The following GRIK2 variants were observed in gnomAD, a reference collection of about 807,000 sequenced individuals.
GRIK2 encodes glutamate ionotropic receptor kainate type subunit 2.
A neutral mutation model predicts 100.3 loss-of-function variants in GRIK2; 32 were observed. That is an observed-to-expected ratio of 0.32 (90% confidence interval 0.24 to 0.43). GRIK2 has a LOEUF of 0.43. Ranked by LOEUF, GRIK2 falls within the 20% of genes least tolerant of loss-of-function variation. The pLI, the probability that GRIK2 is intolerant of heterozygous loss-of-function variation, is 1.00. For synonymous variants in GRIK2, 417 were observed against 389.4 expected (o/e 1.07, Z -0.83); for missense variants, 843 against 1,114.9 (o/e 0.76, Z 3.47).
intron 7 of GRIK2, among the ~76,000 whole-genome samples, chr6:101,723,903 C>T (rs570001424): frequency 4.9e-4 from 74 of 151,818 alleles, no homozygotes; most frequent in Non-Finnish European, 9.4e-4. Context: ...TCTGCTTTAC[C>T]TCTTCTTGTT....
intron 2 of GRIK2, among the ~76,000 whole-genome samples, chr6:101,558,189 A>C (rs1776835282): frequency 6.6e-6 from 1 of 152,206 alleles, no homozygotes; most frequent in Non-Finnish European, 1.5e-5. Context: ...ACCATGCAGA[A>C]GGCTGTATCA....
chr6:101,406,608 C>T (rs1052940755), intron 2 of GRIK2, among the ~76,000 whole-genome samples: 3 of 151,944 alleles, frequency 2.0e-5, no homozygotes, highest in Non-Finnish European at 4.4e-5. Context: ...TAGGATCGAT[C>T]GATACTGTCT....
At chr6:101,444,391 G>C (rs1364709084) in intron 2 of GRIK2, among the ~76,000 whole-genome samples, 1 of 151,760 alleles carries the variant, frequency 6.6e-6, no homozygotes, top group African/African-American at 2.4e-5. Flanking sequence ...ATTCAATTTG[G>C]TCAACATGTT....
At chr6:101,732,320 A>G (rs1016307340) in intron 7 of GRIK2, among the ~76,000 whole-genome samples, 7 of 152,190 alleles carry the variant, frequency 4.6e-5, no homozygotes, top group African/African-American at 1.7e-4. Context: ...GGTAGAGGAA[A>G]TGATATTTTT....
At chr6:101,642,071 C>T (rs1420430182) in intron 4 of GRIK2, among the ~76,000 whole-genome samples, 1 of 151,796 alleles carries the variant, frequency 6.6e-6, no homozygotes, top group Non-Finnish European at 1.5e-5. Flanking sequence ...TACTGTAGTA[C>T]TCATTTAATA....
At chr6:102,006,458 T>C (rs909160203) in intron 14 of GRIK2, among the ~76,000 whole-genome samples, 17 of 149,430 alleles carry the variant, frequency 1.1e-4, no homozygotes, top group South Asian at 2.1e-4. Context: ...AGCCTGGATC[T>C]CCCAGGCATA....
At chr6:102,060,294 G>A (rs562565096) in intron 16 of GRIK2, among the ~76,000 whole-genome samples, 1 of 150,726 alleles carries the variant, frequency 6.6e-6, no homozygotes, top group South Asian at 2.1e-4. Flanking sequence ...GTGTTTAGAG[G>A]AATAACCAAT....
chr6:101,612,506 G>A (rs1160869840), intron 2 of GRIK2, among the ~76,000 whole-genome samples: 1 of 151,626 alleles, frequency 6.6e-6, no homozygotes, highest in African/African-American at 2.4e-5. Flanking sequence ...ATTGAGCTTA[G>A]GTGTAAACAT....
At chr6:101,454,710 A>G (rs1383384073) in intron 2 of GRIK2, among the ~76,000 whole-genome samples, 1 of 152,072 alleles carries the variant, frequency 6.6e-6, no homozygotes, top group Non-Finnish European at 1.5e-5. Flanking sequence ...AAAAGTTCCA[A>G]TAGCTTTCTC....
chr6:102,009,875 G>A (rs1202893082), intron 14 of GRIK2, among the ~76,000 whole-genome samples: 1 of 152,010 alleles, frequency 6.6e-6, no homozygotes, highest in Non-Finnish European at 1.5e-5. Flanking sequence ...CCATTAATAA[G>A]TATTACCTTG....
At chr6:101,420,450 C>A (rs1338143588) in intron 2 of GRIK2, among the ~76,000 whole-genome samples, 1 of 152,132 alleles carries the variant, frequency 6.6e-6, no homozygotes, top group Non-Finnish European at 1.5e-5. Flanking sequence ...GAAAAATGGT[C>A]ATTTCATGTG....
intron 2 of GRIK2, among the ~76,000 whole-genome samples, chr6:101,615,859 T>G (rs760951053): frequency 6.6e-6 from 1 of 151,874 alleles, no homozygotes; most frequent in African/African-American, 2.4e-5. Context: ...GATGTTCTTT[T>G]AAAATTATAA....
intron 14 of GRIK2, among the ~76,000 whole-genome samples, chr6:102,025,084 A>T (rs1451430934): frequency 6.6e-6 from 1 of 151,272 alleles, no homozygotes; most frequent in African/African-American, 2.4e-5. Context: ...AGATAAACTT[A>T]CTCACTACAG....
chr6:101,510,991 G>T (rs1378635095), intron 2 of GRIK2, among the ~76,000 whole-genome samples: 1 of 152,136 alleles, frequency 6.6e-6, no homozygotes, highest in Non-Finnish European at 1.5e-5. Context: ...AGCATGGGGA[G>T]ACTTTATCAA....
chr6:101,910,752 A>G (rs1232917383), intron 12 of GRIK2, among the ~76,000 whole-genome samples: 5 of 151,224 alleles, frequency 3.3e-5, no homozygotes, highest in African/African-American at 1.2e-4. Context: ...AGATCATTAG[A>G]GAGCTACAGA....
At chr6:101,560,719 T>A (rs566252958) in intron 2 of GRIK2, among the ~76,000 whole-genome samples, 2 of 151,824 alleles carry the variant, frequency 1.3e-5, no homozygotes, top group Non-Finnish European at 2.9e-5. Flanking sequence ...TCAGTAAATT[T>A]TTTTTCCTTT....
chr6:101,789,186 G>A (rs1404603494), intron 7 of GRIK2, among the ~76,000 whole-genome samples: 1 of 152,164 alleles, frequency 6.6e-6, no homozygotes, highest in South Asian at 2.1e-4. Context: ...AGTTTCTTTT[G>A]CTGTGCAGAA....
At chr6:101,827,746 G>A (rs1194584441) in intron 10 of GRIK2, among the ~76,000 whole-genome samples, 1 of 151,914 alleles carries the variant, frequency 6.6e-6, no homozygotes, top group Non-Finnish European at 1.5e-5. Flanking sequence ...TACTCTAAAT[G>A]CATATGTATT....
intron 2 of GRIK2, among the ~76,000 whole-genome samples, chr6:101,427,913 G>C (rs1386496327): frequency 6.6e-6 from 1 of 152,098 alleles, no homozygotes; most frequent in Non-Finnish European, 1.5e-5. Context: ...TGCTTCGATG[G>C]ATCACAGAGG....
Sources: gnomAD v4.1 joint callset for allele counts (sites outside exome capture counted in the v4.1 genomes callset) on GRCh38, gnomAD v4.1.1 for gene constraint, MANE v1.5 for transcripts, NCBI Gene and HGNC (gene_info 2026-07-23, HGNC 2026-07-21) for gene names.